SH3PXD2A: variants seen among roughly 807,000 people sequenced by gnomAD.
SH3PXD2A encodes SH3 and PX domains 2A, also known as SH3 and PX domain-containing protein 2A.
A neutral mutation model predicts 115.2 loss-of-function variants in SH3PXD2A; 32 were observed. The ratio of observed to expected loss-of-function variants is 0.28; its 90% CI spans 0.21 to 0.37. SH3PXD2A has a LOEUF of 0.37. SH3PXD2A is among the 10% of genes least tolerant of loss of function. SH3PXD2A has a pLI of 1.00. For missense variants in SH3PXD2A, 1,328 were observed against 1,498.7 expected (o/e 0.89, Z 1.88); for synonymous variants, 610 against 629.1 (o/e 0.97, Z 0.45).
At chr10:103,693,132 T>C (rs1426133451) in intron 5 of SH3PXD2A, 76 bp from the exon 6 acceptor site, 1 of 1,300,716 alleles carries the variant, frequency 7.7e-7, no homozygotes, top group Middle Eastern at 1.9e-4. Flanking sequence ...AGGGGCGCCC[T>C]CGGGCTGGCT....
intron 5 of SH3PXD2A, among the ~76,000 whole-genome samples, chr10:103,701,303 C>A (rs2037898795): frequency 6.8e-6 from 1 of 148,128 alleles, no homozygotes; most frequent in African/African-American, 2.5e-5. Flanking sequence ...CATCATCCAT[C>A]CATTCATCCA....
intron 8 of SH3PXD2A, among the ~76,000 whole-genome samples, chr10:103,633,727 C>CCA (rs1554905367): frequency 0.37 from 27,506 of 74,836 alleles, 7,068 homozygotes; most frequent in East Asian, 0.65. Context: ...GATTCTGTCT[C>CCA]AAAAAAAAAA....
chr10:103,638,818 C>T (rs1158356864), intron 8 of SH3PXD2A, among the ~76,000 whole-genome samples: 1 of 152,214 alleles, frequency 6.6e-6, no homozygotes, highest in African/African-American at 2.4e-5. Flanking sequence ...GACCTCAATG[C>T]GCCTGGGTGA....
intron 5 of SH3PXD2A, among the ~76,000 whole-genome samples, chr10:103,719,368 T>C (rs1411517251): frequency 3.3e-5 from 5 of 152,238 alleles, no homozygotes; most frequent in Admixed American, 1.3e-4. Context: ...ATCTTGGCCC[T>C]GCACCTGCCA....
At chr10:103,622,757 A>G (rs770654563) in intron 9 of SH3PXD2A, among the ~76,000 whole-genome samples, 1 of 152,188 alleles carries the variant, frequency 6.6e-6, no homozygotes, top group Non-Finnish European at 1.5e-5. Context: ...GCACACAGGG[A>G]AAAATTCAAC....
chr10:103,692,659 C>A (rs2037770578), intron 6 of SH3PXD2A, among the ~76,000 whole-genome samples: 1 of 152,208 alleles, frequency 6.6e-6, no homozygotes, highest in African/African-American at 2.4e-5. Flanking sequence ...CTTAGCACTG[C>A]GCAGCAGCGG....
intron 8 of SH3PXD2A, among the ~76,000 whole-genome samples, chr10:103,658,476 C>A (rs946976043): frequency 6.6e-6 from 1 of 152,204 alleles, no homozygotes; most frequent in Non-Finnish European, 1.5e-5. Flanking sequence ...GCCTCCTCTC[C>A]CCCACCGTCA....
At chr10:103,640,135 C>T (rs2036932119) in intron 8 of SH3PXD2A, among the ~76,000 whole-genome samples, 2 of 152,036 alleles carry the variant, frequency 1.3e-5, no homozygotes, top group African/African-American at 2.4e-5. Flanking sequence ...GCCAACATGG[C>T]GAAACCCCGT....
At chr10:103,641,425 A>C (rs1208417662) in intron 8 of SH3PXD2A, among the ~76,000 whole-genome samples, 1 of 152,152 alleles carries the variant, frequency 6.6e-6, no homozygotes, top group East Asian at 1.9e-4. Context: ...TAGGAAACTC[A>C]GAATGGGAGA....
intron 5 of SH3PXD2A, among the ~76,000 whole-genome samples, chr10:103,709,873 A>C (rs776053845): frequency 3.3e-5 from 5 of 152,224 alleles, no homozygotes; most frequent in Non-Finnish European, 7.3e-5. Context: ...TGGGAAGCCA[A>C]GGTGGGTGGA....
intron 2 of SH3PXD2A, among the ~76,000 whole-genome samples, chr10:103,770,856 T>C (rs1192180970): frequency 1.3e-5 from 2 of 152,246 alleles, no homozygotes; most frequent in East Asian, 3.8e-4. Flanking sequence ...TATAGCACTG[T>C]CGTGAATCCC....
chr10:103,698,354 C>T (rs2037851160), intron 5 of SH3PXD2A, among the ~76,000 whole-genome samples: 1 of 152,260 alleles, frequency 6.6e-6, no homozygotes, highest in Non-Finnish European at 1.5e-5. Context: ...CTGGCAAGTG[C>T]CTTGGCAGAG....
At chr10:103,806,277 A>G (rs1227601017) in intron 1 of SH3PXD2A, among the ~76,000 whole-genome samples, 2 of 152,086 alleles carry the variant, frequency 1.3e-5, no homozygotes, top group Non-Finnish European at 2.9e-5. Context: ...AGATAAGCCC[A>G]GAGATACGAG....
intron 8 of SH3PXD2A, among the ~76,000 whole-genome samples, chr10:103,647,172 C>A (rs2037048277): frequency 6.6e-6 from 1 of 152,154 alleles, no homozygotes. Flanking sequence ...CAGCTTCACT[C>A]CCCAGGAAGC....
chr10:103,680,005 A>G (rs1009731425), intron 6 of SH3PXD2A, among the ~76,000 whole-genome samples: 5 of 151,918 alleles, frequency 3.3e-5, no homozygotes, highest in Admixed American at 6.6e-5. Flanking sequence ...TTTGAGATAG[A>G]GTCTCGCTCT....
chr10:103,617,080 C>T, intron 11 of SH3PXD2A, 117 bp downstream of exon 11: 1 of 731,624 alleles, frequency 1.4e-6, no homozygotes. Flanking sequence ...CAGCCCTGTG[C>T]CGTGGGCACA....
chr10:103,775,861 C>T (rs1466373361), intron 2 of SH3PXD2A, among the ~76,000 whole-genome samples: 4 of 152,104 alleles, frequency 2.6e-5, no homozygotes, highest in Non-Finnish European at 5.9e-5. Flanking sequence ...AGCTCAAGGA[C>T]GGCACTACAT....
chr10:103,750,832 C>T (rs1252051927), intron 3 of SH3PXD2A, among the ~76,000 whole-genome samples: 1 of 152,104 alleles, frequency 6.6e-6, no homozygotes, highest in Non-Finnish European at 1.5e-5. Context: ...TAGCAAAATG[C>T]GACACAGCCA....
intron 2 of SH3PXD2A, among the ~76,000 whole-genome samples, chr10:103,774,493 T>G (rs1389672183): frequency 1.3e-5 from 2 of 152,246 alleles, no homozygotes; most frequent in African/African-American, 4.8e-5. Flanking sequence ...TTGAAAGTCG[T>G]TCAACATCTG....
Sources: gnomAD v4.1 joint callset for allele counts (sites outside exome capture counted in the v4.1 genomes callset) on GRCh38, gnomAD v4.1.1 for gene constraint, MANE v1.5 for transcripts, NCBI Gene and HGNC (gene_info 2026-07-23, HGNC 2026-07-21) for gene names.